PCDHB15: variants seen among roughly 807,000 people sequenced by gnomAD.
PCDHB15 encodes the protein protocadherin beta-15.
For synonymous variants in PCDHB15, 492 were observed against 447.9 expected (o/e 1.10, Z -1.24); for missense variants, 1,032 against 991.7 (o/e 1.04, Z -0.55).
At position 141,245,747 on chromosome 5, in the gene PCDHB15, G is replaced by A. The variant is rs1755240426; in HGVS notation, c.169G>A (p.Gly57Arg). The A allele has an allele frequency of 1.9e-6, 3 of 1,614,196 alleles. No homozygotes were observed. In the South Asian group the frequency reaches 3.3e-5, roughly 18 times the overall value. ...GGCCAATGACCTAGGGCTGGGAGTG[G>A]GGGAGCTAGCCGAGCGGGGAGCCCG... ...NLANDLGLGV[G>R]ELAERGARVV... Residue 57 changes from glycine (G) to arginine (R), a missense_variant, in exon 1 of 1, where the codon GGG becomes AGG. Physicochemically the swap from Gly to Arg is moderately radical, Grantham distance 125. Transcript: ENST00000231173.
rs1314630230 is a variant in PCDHB15, at chr5:141,246,077, G to A, written c.499G>A (p.Val167Ile). 4 of 1,613,970 alleles carry A rather than the reference G, an allele frequency of 2.5e-6. No homozygotes were observed. The highest frequency in any genetic ancestry group is 3.4e-6 in the Non-Finnish European group (4 of 1,180,046). The change falls in exon 1 of 1, where the codon GTT (valine) becomes ATT (isoleucine). Residue 167 changes from valine to isoleucine, a missense_variant. Transcript: ENST00000231173. ...GGACTTGGACGTGGGCAGCAATAAT[G>A]TTCAAAACTACAATATTTCTCCCAA... ...ARDLDVGSNN[V>I]QNYNISPNSH...
In PCDHB15 at chr5:141,247,975, A is replaced by G; in HGVS notation, c.*33A>G. On this transcript the variant is annotated 3_prime_UTR_variant, in exon 1 of 1. Transcript: ENST00000231173. The stretch of plus-strand genomic sequence containing the variant: ...ATCTGTAGCTTTCCGACCGTCTGTT[A>G]ATTTTGTCTTCCTCACTTTTCACCT... 2.0e-6 allele frequency: 3 copies of G among 1,524,694 alleles called. No homozygotes were observed. The highest frequency in any genetic ancestry group is 1.8e-6 in the Non-Finnish European group (2 of 1,137,688). 94.4% of individuals were successfully genotyped at this position (1,524,694 alleles called of 1,614,324 possible).
chr5:141,246,834 T>C lies in PCDHB15; in HGVS notation c.1256T>C (p.Ile419Thr). ...AGAGAGACCAGAGCCGAGTACAACA[T>C]CACCATCACCATCACAGACTTGGGG... ...LDRETRAEYN[I>T]TITITDLGTP... is the part of the protein sequence containing the mutation. Residue 419 changes from isoleucine to threonine, a missense_variant, in exon 1 of 1, where the codon ATC becomes ACC. Physicochemically the swap from Ile to Thr is moderately conservative, Grantham distance 89. Transcript: ENST00000231173. 1 of 1,614,008 alleles carries C rather than the reference T, an allele frequency of 6.2e-7. No homozygotes were observed. The highest frequency in any genetic ancestry group is 8.5e-7 in the Non-Finnish European group (1 of 1,180,012).
In PCDHB15 at chr5:141,246,096, C is replaced by A. The variant is rs148997303; in HGVS notation, c.518C>A (p.Ser173Tyr). ...GSNNVQNYNI[S>Y]PNSHFHVSTR... Reference sequence around the variant, plus strand: ...AATAATGTTCAAAACTACAATATTTCTCCCAATTCTCATTTCCATGTTTCC... The same window carrying A: ...AATAATGTTCAAAACTACAATATTTATCCCAATTCTCATTTCCATGTTTCC... Residue 173 changes from serine to tyrosine, a missense_variant, in exon 1 of 1, where the codon TCT becomes TAT. Coordinates refer to ENST00000231173, the MANE Select transcript of PCDHB15 (RefSeq NM_018935.4). 340 of 1,614,178 alleles carry A rather than the reference C, an allele frequency of 2.1e-4. 1 individual carries two copies. In the Middle Eastern group the frequency reaches 2.5e-3, roughly 12 times the overall value.
At position 141,248,037 on chromosome 5, in the gene PCDHB15, CT is replaced by C. The variant is rs143037265; in HGVS notation, c.*103del. On this transcript the variant is annotated 3_prime_UTR_variant, in exon 1 of 1. Transcript: ENST00000231173. Reference sequence around the variant, plus strand: ...AACCCTTTAGTAATCTTGAATTCTACTTTTTTTTAAATTTCTACTGTTGTCT... The same window carrying C: ...AACCCTTTAGTAATCTTGAATTCTACTTTTTTTAAATTTCTACTGTTGTCT... 5.6e-5 allele frequency: 67 copies of C among 1,206,840 alleles called. No homozygotes were observed. The Middle Eastern group carries it at 8.6e-4, about 16-fold the overall frequency. The allele number at this position is 1,206,840 out of a possible 1,614,324, so 74.8% of individuals were successfully genotyped here. A position where few individuals can be genotyped will look rare whatever the true frequency, so the allele number is the denominator to read the frequency against.
Position 141,246,432 on chromosome 5 carries a change from C to A in PCDHB15, c.854C>A (p.Ser285Tyr), listed in dbSNP as rs782811850. The A allele has an allele frequency of 1.9e-6, 3 of 1,614,150 alleles. No homozygotes were observed. In the South Asian group the frequency reaches 3.3e-5, roughly 18 times the overall value. Residue 285 changes from serine to tyrosine, a missense_variant, in exon 1 of 1, where the codon TCT (serine) becomes TAT (tyrosine). Ser to Tyr is a moderately radical substitution (Grantham distance 144). Coordinates refer to ENST00000231173, the MANE Select transcript of PCDHB15 (RefSeq NM_018935.4). ...ATATCATACTCCCTTTATTACAGCT[C>A]TCAGGAGATAGACAAACCTTTTGAG... ...GEISYSLYYS[S>Y]QEIDKPFELS...
rs1261066261 is a variant in PCDHB15 at position 141,245,919 on chromosome 5, T to C, written c.341T>C (p.Leu114Ser). The C allele has an allele frequency of 1.2e-6, 2 of 1,614,162 alleles. No individual in the cohort carries two copies. The change falls in exon 1 of 1, where the codon TTG becomes TCG. Residue 114 changes from leucine (L) to serine (S), a missense_variant. Leu to Ser is a moderately radical substitution (Grantham distance 145). Transcript: ENST00000231173. ...MHFQVLLKKP[L>S]EVFRAELLVT... ...TTCCAAGTGTTACTGAAAAAACCTT[T>C]GGAAGTATTTCGAGCTGAACTACTA...
At position 141,245,709 on chromosome 5, in the gene PCDHB15, T is replaced by A. The variant is rs1554291771; in HGVS notation, c.131T>A (p.Phe44Tyr). Reference sequence around the variant, plus strand: ...ATGGAGGAAACAGAGAGAGGTTCTTTTGTAGCCAACCTGGCCAATGACCTA... The same window carrying A: ...ATGGAGGAAACAGAGAGAGGTTCTTATGTAGCCAACCTGGCCAATGACCTA... ...SVMEETERGSFVANLANDLGL... is the reference protein window; with the variant it reads ...SVMEETERGSYVANLANDLGL... The change falls in exon 1 of 1, where the codon TTT becomes TAT. Residue 44 changes from phenylalanine (F) to tyrosine (Y), a missense_variant. Coordinates refer to ENST00000231173, the MANE Select transcript of PCDHB15 (RefSeq NM_018935.4). The A allele has an allele frequency of 6.2e-7, 1 of 1,614,150 alleles. No homozygotes were observed. The highest frequency in any genetic ancestry group is 1.7e-5 in the Admixed American group (1 of 60,004).
At position 141,245,860 on chromosome 5, in the gene PCDHB15, G is replaced by A. The variant is rs1303652913; in HGVS notation, c.282G>A (p.Lys94=). 14 of 1,614,100 alleles carry A rather than the reference G, an allele frequency of 8.7e-6. No individual in the cohort carries two copies. Among genetic ancestry groups the A allele is most frequent in the Non-Finnish European group, 1.2e-5 (14 of 1,180,054 alleles). Residue 94 remains lysine, a synonymous_variant, in exon 1 of 1, where the codon AAG becomes AAA. Coordinates refer to ENST00000231173, the MANE Select transcript of PCDHB15 (RefSeq NM_018935.4). ...LILNEKLDRE[K]LCGPTEPCIM... is the part of the protein sequence containing the mutation. ...TAAATGAGAAGCTGGACCGGGAGAAGCTGTGTGGCCCTACTGAGCCCTGTA... is the reference window on the plus strand; with the variant it reads ...TAAATGAGAAGCTGGACCGGGAGAAACTGTGTGGCCCTACTGAGCCCTGTA...
In PCDHB15 at chr5:141,246,891, C is replaced by A. The variant is rs781875576; in HGVS notation, c.1313C>A (p.Thr438Asn). 1 of 1,613,920 alleles carries A rather than the reference C, an allele frequency of 6.2e-7. No homozygotes were observed. The highest frequency in any genetic ancestry group is 1.3e-5 in the African/African-American group (1 of 74,928). Reference sequence around the variant, plus strand: ...AGGCTGAAAACCGAGCAGAGCATAACCGTGCTGGTGTCGGACGTCAATGAC... The same window carrying A: ...AGGCTGAAAACCGAGCAGAGCATAAACGTGCTGGTGTCGGACGTCAATGAC... ...TPRLKTEQSI[T>N]VLVSDVNDNA... The change falls in exon 1 of 1, where the codon ACC becomes AAC. Residue 438 changes from threonine to asparagine, a missense_variant. Thr to Asn is a moderately conservative substitution (Grantham distance 65). Coordinates refer to ENST00000231173, the MANE Select transcript of PCDHB15 (RefSeq NM_018935.4).
Position 141,246,701 on chromosome 5 carries a change from T to C in PCDHB15, c.1123T>C (p.Ser375Pro), listed in dbSNP as rs1203289857. ...VALFRIRDRD[S>P]GENGKMICSI... ...CCTGTTTAGGATTAGAGACCGAGAC[T>C]CTGGGGAAAATGGAAAAATGATTTG... Residue 375 changes from serine to proline, a missense_variant, in exon 1 of 1, where the codon TCT (serine) becomes CCT (proline). By Grantham distance (74) the Ser-to-Pro change is moderately conservative. Transcript: ENST00000231173. 5.0e-6 allele frequency: 8 copies of C among 1,614,100 alleles called. No homozygotes were observed. The highest frequency in any genetic ancestry group is 1.6e-4 in the Middle Eastern group (1 of 6,062).
At position 141,245,878 on chromosome 5, in the gene PCDHB15, G is replaced by A. The variant is rs182830976; in HGVS notation, c.300G>A (p.Glu100=). 14 of 1,614,160 alleles carry A rather than the reference G, an allele frequency of 8.7e-6. No individual in the cohort carries two copies. The East Asian group carries it at 1.3e-4, about 15-fold the overall frequency. The change falls in exon 1 of 1, where the codon GAG becomes GAA. Residue 100 remains glutamate, a synonymous_variant. Coordinates refer to ENST00000231173, the MANE Select transcript of PCDHB15 (RefSeq NM_018935.4). ...LDREKLCGPT[E]PCIMHFQVLL... ...GGGAGAAGCTGTGTGGCCCTACTGAGCCCTGTATAATGCATTTCCAAGTGT... is the reference window on the plus strand; with the variant it reads ...GGGAGAAGCTGTGTGGCCCTACTGAACCCTGTATAATGCATTTCCAAGTGT...
chr5:141,249,265 G>A lies in PCDHB15; in HGVS notation c.*1323G>A, dbSNP rs1755345573. 1 of 152,184 alleles carries A rather than the reference G, an allele frequency of 6.6e-6. No individual in the cohort carries two copies. Among genetic ancestry groups the A allele is most frequent in the Non-Finnish European group, 1.5e-5 (1 of 68,044 alleles). The allele number at this position is 152,184 out of a possible 1,614,324, so 9.4% of individuals were successfully genotyped here. On this transcript the variant is annotated 3_prime_UTR_variant, in exon 1 of 1. Transcript: ENST00000231173. ...CTTCAGCTTATGCCCCAGAATTCCA[G>A]CCTGCCCCTCCTAACTGCCTGCTGT...
chr5:141,247,721 A>G lies in PCDHB15; in HGVS notation c.2143A>G (p.Arg715Gly), dbSNP rs781804294. Reference protein sequence around the residue: ...VFLFVAVRLCRRSRAASVGRC... With the variant: ...VFLFVAVRLCGRSRAASVGRC... The stretch of plus-strand genomic sequence containing the variant: ...CCTGTTCGTGGCAGTGCGGCTGTGC[A>G]GGAGGAGCAGGGCGGCCTCAGTGGG... Residue 715 changes from arginine (R) to glycine (G), a missense_variant, in exon 1 of 1, where the codon AGG (arginine) becomes GGG (glycine). Arg to Gly is a moderately radical substitution (Grantham distance 125). Coordinates refer to ENST00000231173, the MANE Select transcript of PCDHB15 (RefSeq NM_018935.4). 7 of 1,613,532 alleles carry G rather than the reference A, an allele frequency of 4.3e-6. No individual in the cohort carries two copies. In the Admixed American group the frequency reaches 5.0e-5, roughly 12 times the overall value.
rs782751603 is a variant in PCDHB15 at position 141,246,122 on chromosome 5, A to G, written c.544A>G (p.Thr182Ala). The change falls in exon 1 of 1, where the codon ACT (threonine) becomes GCT (alanine). Residue 182 changes from threonine (T) to alanine (A), a missense_variant. By Grantham distance (58) the Thr-to-Ala change is moderately conservative. Transcript: ENST00000231173. ...ISPNSHFHVS[T>A]RTRGDGRKYP... is the part of the protein sequence containing the mutation. ...TCCCAATTCTCATTTCCATGTTTCCACTCGCACCCGAGGGGATGGCAGGAA... is the reference window on the plus strand; with the variant it reads ...TCCCAATTCTCATTTCCATGTTTCCGCTCGCACCCGAGGGGATGGCAGGAA... 1.2e-6 allele frequency: 2 copies of G among 1,614,048 alleles called. No individual in the cohort carries two copies. The highest frequency in any genetic ancestry group is 1.1e-5 in the South Asian group (1 of 91,074).
rs782671320 is a variant in PCDHB15, at chr5:141,247,818, A to T, written c.2240A>T (p.Gln747Leu). 6.2e-7 allele frequency: 1 copy of T among 1,614,098 alleles called. No individual in the cohort carries two copies. The highest frequency in any genetic ancestry group is 1.7e-5 in the Admixed American group (1 of 60,006). ...GTGAGCGGCACCGGGACCCTTTCCC[A>T]GAGCTACCAGTACGAGGTGTGTCTG... ...VDVSGTGTLS[Q>L]SYQYEVCLTG... The change falls in exon 1 of 1, where the codon CAG becomes CTG. Residue 747 changes from glutamine (Q) to leucine (L), a missense_variant. Gln to Leu is a moderately radical substitution (Grantham distance 113). Transcript: ENST00000231173.
In PCDHB15 at chr5:141,247,302, T is replaced by G; in HGVS notation, c.1724T>G (p.Leu575Arg). 1 of 1,609,126 alleles carries G rather than the reference T, an allele frequency of 6.2e-7. No homozygotes were observed. Among genetic ancestry groups the G allele is most frequent in the Non-Finnish European group, 8.5e-7 (1 of 1,178,896 alleles). The change falls in exon 1 of 1, where the codon CTG becomes CGG. Residue 575 changes from leucine to arginine, a missense_variant. Coordinates refer to ENST00000231173, the MANE Select transcript of PCDHB15 (RefSeq NM_018935.4). ...LQNGSAPCTE[L>R]VPRAAEPGYL... is the part of the protein sequence containing the mutation. ...AACGGCTCCGCGCCCTGCACCGAGCTGGTGCCCCGGGCGGCCGAGCCGGGC... is the reference window on the plus strand; with the variant it reads ...AACGGCTCCGCGCCCTGCACCGAGCGGGTGCCCCGGGCGGCCGAGCCGGGC...
rs559084239 is a variant in PCDHB15, at chr5:141,247,642, C to G, written c.2064C>G (p.Val688=). The change falls in exon 1 of 1, where the codon GTC becomes GTG. Residue 688 remains valine, a synonymous_variant. Transcript: ENST00000231173. The part of the protein sequence containing the change: ...PAQAQADSLT[V]YLVVALASVS... Reference sequence around the variant, plus strand: ...AAGCCCAGGCCGACTCGCTTACCGTCTACCTGGTGGTGGCATTGGCCTCGG... The same window carrying G: ...AAGCCCAGGCCGACTCGCTTACCGTGTACCTGGTGGTGGCATTGGCCTCGG... The G allele has an allele frequency of 5.5e-5, 88 of 1,610,564 alleles. No homozygotes were observed. In the Middle Eastern group the frequency reaches 9.7e-4, roughly 18 times the overall value.
chr5:141,246,881 C>T lies in PCDHB15; in HGVS notation c.1303C>T (p.Gln435Ter), dbSNP rs61743631. The T allele has an allele frequency of 2.9e-5, 46 of 1,613,982 alleles. No individual in the cohort carries two copies. The highest frequency in any genetic ancestry group is 3.6e-5 in the Non-Finnish European group (42 of 1,180,056). Residue 435 changes from glutamine (Q) to a stop codon, truncating the protein, a stop_gained, in exon 1 of 1, where the codon CAG (glutamine) becomes TAG (stop). Coordinates refer to ENST00000231173, the MANE Select transcript of PCDHB15 (RefSeq NM_018935.4). LOFTEE classifies it low-confidence loss of function (END_TRUNC). ...DLGTPRLKTE[Q>*]SITVLVSDVN... is the part of the protein sequence containing the mutation. ...GGGGACTCCAAGGCTGAAAACCGAG[C>T]AGAGCATAACCGTGCTGGTGTCGGA...
Sources: allele counts gnomAD v4.1 joint callset, GRCh38; gene constraint gnomAD v4.1.1; transcripts MANE v1.5; gene names NCBI Gene and HGNC (gene_info 2026-07-23, HGNC 2026-07-21).